The following FADS3 variants were observed in gnomAD, a reference collection of about 807,000 sequenced individuals.
FADS3 encodes the protein fatty acid desaturase 3.
Under a neutral mutation model 60.4 loss-of-function variants are expected in FADS3, and 30 were observed. The ratio of observed to expected loss-of-function variants is 0.50; its 90% CI spans 0.37 to 0.67. FADS3 has a LOEUF of 0.67. Ranked by LOEUF, FADS3 falls within the 30% of genes least tolerant of loss-of-function variation. FADS3 has a pLI of 0.00. For missense variants in FADS3, 432 were observed against 598.3 expected (o/e 0.72, Z 2.90); for synonymous variants, 234 against 249.3 (o/e 0.94, Z 0.58).
chr11:61,879,955 T>G (rs174635), intron 2 of FADS3, 86 bp downstream of exon 2: 764,640 of 1,104,626 alleles, frequency 0.69, 276,079 homozygotes, highest in Non-Finnish European at 0.75. Flanking sequence ...CCGAGGGAGC[T>G]GCTCCTGGCC....
chr11:61,880,015 G>A, intron 2 of FADS3, 26 bp downstream of exon 2: 3 of 1,579,884 alleles, frequency 1.9e-6, no homozygotes, highest in Non-Finnish European at 2.6e-6. Flanking sequence ...CTCAGGGGCT[G>A]AGCCTCTCCT....
At chr11:61,891,967 C>T (rs1938538985), upstream of FADS3, 1 of 152,286 alleles carries the variant, frequency 6.6e-6, no homozygotes, top group Non-Finnish European at 1.5e-5. Flanking sequence ...CCTGCAACGT[C>T]AAATCCAGTG....
chr11:61,885,221 C>T (rs565684583), intron 1 of FADS3, among the ~76,000 whole-genome samples: 1 of 152,300 alleles, frequency 6.6e-6, no homozygotes, highest in South Asian at 2.1e-4. Context: ...ACCGTGAATC[C>T]CACACAGCAG....
chr11:61,878,439 T>C (rs1591193008), intron 5 of FADS3, 73 bp downstream of exon 5: 1 of 1,566,578 alleles, frequency 6.4e-7, no homozygotes, highest in Non-Finnish European at 8.7e-7. Flanking sequence ...AGGGGCAGAG[T>C]GGGGACCCAG....
chr11:61,891,326 G>T lies in FADS3; in HGVS notation c.56C>A (p.Pro19Gln), dbSNP rs564000896. 1.3e-6 allele frequency: 2 copies of T among 1,520,622 alleles called. No individual in the cohort carries two copies. The highest frequency in any genetic ancestry group is 1.8e-6 in the Non-Finnish European group (2 of 1,138,014). The allele number at this position is 1,520,622 out of a possible 1,614,324, so 94.2% of individuals were successfully genotyped here. Residue 19 changes from proline (P) to glutamine (Q), a missense_variant, in exon 1 of 12, where the codon CCG becomes CAG. This residue lies in a region of FADS3 where 167 missense variants were observed against 188.8 expected (regional missense o/e 0.88). Coordinates refer to ENST00000278829, the MANE Select transcript of FADS3 (RefSeq NM_021727.5). ...CTGCTCCCAGCAGAAGGTGGGCAGC[G>T]GCGCCCCCGGCTGCGCGGGTCCCTC... ...PREGPAQPGA[P>Q]LPTFCWEQIR...
chr11:61,885,823 T>C (rs1938295191), intron 1 of FADS3, among the ~76,000 whole-genome samples: 1 of 152,236 alleles, frequency 6.6e-6, no homozygotes, highest in African/African-American at 2.4e-5. Flanking sequence ...GACAGGGCTA[T>C]GCCTCAAAGG....
chr11:61,882,502 C>T (rs1034999426), intron 1 of FADS3: 4 of 152,160 alleles, frequency 2.6e-5, no homozygotes, highest in African/African-American at 9.7e-5. Context: ...TCACTGCAGC[C>T]TTGAAATCCT....
intron 1 of FADS3, chr11:61,881,157 A>G (rs1938115576): frequency 6.6e-6 from 1 of 152,130 alleles, no homozygotes; most frequent in Middle Eastern, 3.1e-3. Context: ...ATTTTTACAA[A>G]AAAGAAAACA....
In FADS3 at chr11:61,876,624, C is replaced by G. The variant is rs1255876844; in HGVS notation, c.984-169G>C. The stretch of plus-strand genomic sequence containing the variant: ...TAAAGAATCTGAATGGAGCAGTGTC[C>G]ACTGTGAGGCTGAGTCCAGAGCAGC... On this transcript the variant is annotated intron_variant, in intron 8 of 11. Coordinates refer to ENST00000278829, the MANE Select transcript of FADS3 (RefSeq NM_021727.5). The surrounding 1 kb of genome is among the most constrained non-coding windows in gnomAD (Gnocchi z 5.7). The G allele has an allele frequency of 1.5e-6, 1 of 668,178 alleles. No homozygotes were observed. Among genetic ancestry groups the G allele is most frequent in the African/African-American group, 1.8e-5 (1 of 56,294 alleles). The allele number at this position is 668,178 out of a possible 1,614,324, so 41.4% of individuals were successfully genotyped here. A position where few individuals can be genotyped will look rare whatever the true frequency, so the allele number is the denominator to read the frequency against.
rs550541050 is a variant in FADS3 at position 61,879,529 on chromosome 11, G to C, written c.325-20C>G. The C allele has an allele frequency of 5.7e-6, 9 of 1,576,540 alleles. No homozygotes were observed. Among genetic ancestry groups the C allele is most frequent in the Non-Finnish European group, 7.7e-6 (9 of 1,162,322 alleles). On this transcript the variant is annotated intron_variant, in intron 2 of 11. Transcript: ENST00000278829. ...CTGCGCCTGCCATAGCAGAGGGGCC[G>C]ATCAGCCAAGGAAGAAATTCCTCCC...
At chr11:61,878,655 C>A (rs1310057246) in intron 4 of FADS3, 21 bp from the exon 5 acceptor site, 3 of 1,613,746 alleles carry the variant, frequency 1.9e-6, no homozygotes, top group Non-Finnish European at 2.5e-6. Context: ...GGAGGGGGCT[C>A]TCAGGGCAGG....
rs763757689 is a variant in FADS3 at position 61,878,233 on chromosome 11, G to A, written c.748-18C>T. 1.9e-5 allele frequency: 30 copies of A among 1,613,364 alleles called. No individual in the cohort carries two copies. The Admixed American group carries it at 2.2e-4, about 12-fold the overall frequency. The stretch of plus-strand genomic sequence containing the variant: ...TTGCCATACTGTGGAGACAGGCGGC[G>A]GCTGGAGACAGCAGCTCTCCAGGCC... On this transcript the variant is annotated intron_variant, in intron 5 of 11. Transcript: ENST00000278829.
chr11:61,876,150 T>C lies in FADS3; in HGVS notation c.1121A>G (p.Asn374Ser), dbSNP rs1392227086. The change falls in exon 10 of 12, where the codon AAC becomes AGC. Residue 374 changes from asparagine (N) to serine (S), a missense_variant. Asn to Ser is a conservative substitution (Grantham distance 46). This residue lies in a region of FADS3 where 48 missense variants were observed against 101.3 expected (regional missense o/e 0.47). Transcript: ENST00000278829. The surrounding 1 kb of genome is among the most constrained non-coding windows in gnomAD (Gnocchi z 5.7). ...GAAGTTGAGGTGCCCGCTGAACCAG[T>C]TGGTGAAAAGTGAGGGCTCCACGTT... ...TCNVEPSLFT[N>S]WFSGHLNFQI... is the part of the protein sequence containing the mutation. 6.2e-7 allele frequency: 1 copy of C among 1,608,674 alleles called. No individual in the cohort carries two copies. Among genetic ancestry groups the C allele is most frequent in the Non-Finnish European group, 8.5e-7 (1 of 1,177,946 alleles).
intron 11 of FADS3, among the ~76,000 whole-genome samples, chr11:61,875,248 C>T (rs1416138985): frequency 1.3e-5 from 2 of 152,148 alleles, no homozygotes; most frequent in Non-Finnish European, 2.9e-5. Context: ...CTCTGTTGCC[C>T]AGGCTGGACT....
rs1479781020 is a variant in FADS3, at chr11:61,875,399, T to G, written c.1286+452A>C. On this transcript the variant is annotated intron_variant, in intron 11 of 11. Coordinates refer to ENST00000278829, the MANE Select transcript of FADS3 (RefSeq NM_021727.5). ...TTTTTGTTTTTTTTTTTTTTTTTTT[T>G]TTTTTTTTTTTTTAGTAGAGACGGG... 1.5e-3 allele frequency among the ~76,000 whole-genome samples: 216 copies of G among 148,840 alleles called. 1 individual carries two copies. The highest frequency in any genetic ancestry group is 2.5e-3 in the Admixed American group (37 of 15,064).
chr11:61,886,672 G>A (rs545498424), intron 1 of FADS3, among the ~76,000 whole-genome samples: 1 of 152,166 alleles, frequency 6.6e-6, no homozygotes, highest in Admixed American at 6.5e-5. Context: ...TCCTGAGAAG[G>A]TTCCATTACA....
Position 61,875,984 on chromosome 11 carries a change from T to C in FADS3, c.1161-8A>G. The stretch of plus-strand genomic sequence containing the variant: ...GGCATCCTGGGGAAGAGGCTGGGGG[T>C]GGGGAGCGTATGCTGGCACCTGAAG... On this transcript the variant is annotated splice_polypyrimidine_tract_variant and splice_region_variant and intron_variant, in intron 10 of 11. Coordinates refer to ENST00000278829, the MANE Select transcript of FADS3 (RefSeq NM_021727.5). 6.2e-7 allele frequency: 1 copy of C among 1,612,950 alleles called. No homozygotes were observed.
chr11:61,891,354 G>A lies in FADS3; in HGVS notation c.28C>T (p.Arg10Trp), dbSNP rs897907625. 4.7e-6 allele frequency: 7 copies of A among 1,494,396 alleles called. No homozygotes were observed. Among genetic ancestry groups the A allele is most frequent in the Admixed American group, 2.2e-5 (1 of 46,014 alleles). 92.6% of individuals were successfully genotyped at this position (1,494,396 alleles called of 1,614,324 possible). A position where few individuals can be genotyped will look rare whatever the true frequency, so the allele number is the denominator to read the frequency against. ...GCCCCCGGCTGCGCGGGTCCCTCCC[G>A]CGGTCCCGGCTCCCCGACGCCGCCC... Reference protein sequence around the residue: MGGVGEPGPREGPAQPGAPL... With the variant: MGGVGEPGPWEGPAQPGAPL... Residue 10 changes from arginine (R) to tryptophan (W), a missense_variant, in exon 1 of 12, where the codon CGG (arginine) becomes TGG (tryptophan). By Grantham distance (101) the Arg-to-Trp change is moderately radical. Coordinates refer to ENST00000278829, the MANE Select transcript of FADS3 (RefSeq NM_021727.5).
At chr11:61,879,873 C>T (rs1201029997) in intron 2 of FADS3, among the ~76,000 whole-genome samples, 168 bp downstream of exon 2, 1 of 152,226 alleles carries the variant, frequency 6.6e-6, no homozygotes, top group East Asian at 1.9e-4. Context: ...CCTACAGCTT[C>T]ACTTTCAACT....
Sources: gnomAD v4.1 joint callset for allele counts (sites outside exome capture counted in the v4.1 genomes callset) on GRCh38, gnomAD v4.1.1 for gene constraint, gnomAD v4.1.1 regional missense constraint, Gnocchi (gnomAD v3.1) non-coding constraint, MANE v1.5 for transcripts, NCBI Gene and HGNC (gene_info 2026-07-23, HGNC 2026-07-21) for gene names.